Variants in PCDH7 observed in about 807,000 individuals in gnomAD.
PCDH7 encodes protocadherin 7.
PCDH7 carries 17 observed loss-of-function variants against 58.9 expected under a neutral mutation model. The observed-to-expected ratio is 0.29, with a 90% CI of 0.20 to 0.43. The LOEUF (loss-of-function observed/expected upper bound fraction) is 0.43. Among genes scored for constraint, PCDH7 ranks in the 20% least tolerant of loss-of-function variants. PCDH7 has a pLI of 1.00. For missense variants in PCDH7, 1,274 were observed against 1,441.0 expected, an observed-to-expected ratio of 0.88 and a Z score of 1.88; for synonymous variants, 664 against 616.4, an observed-to-expected ratio of 1.08 and a Z score of -1.14.
intron 2 of PCDH7, among the ~76,000 whole-genome samples, chr4:30,924,386 T>C (rs1419823357): frequency 1.3e-5 from 2 of 152,192 alleles, no homozygotes; most frequent in African/African-American, 4.8e-5. Context: ...TTCTCTTACA[T>C]TCAATTTTTC....
At chr4:31,118,120 T>C (rs1717223002) in intron 3 of PCDH7, among the ~76,000 whole-genome samples, 1 of 152,200 alleles carries the variant, frequency 6.6e-6, no homozygotes, top group Admixed American at 6.5e-5. Context: ...ATAGTAACTA[T>C]TTGTTGAATA....
At chr4:30,728,923 T>C (rs1715046665) in intron 1 of PCDH7, among the ~76,000 whole-genome samples, 1 of 151,730 alleles carries the variant, frequency 6.6e-6, no homozygotes, top group African/African-American at 2.4e-5. Context: ...AGTCTTTTAT[T>C]TAGTCATGAT....
chr4:30,955,464 G>A (rs12512796), intron 3 of PCDH7, among the ~76,000 whole-genome samples: 116,313 of 151,754 alleles, frequency 0.77, 45,367 homozygotes, highest in African/African-American at 0.93. Context: ...ACAATTTCTC[G>A]AGGCCACTAT....
At chr4:30,972,988 A>C (rs1489315713) in intron 3 of PCDH7, among the ~76,000 whole-genome samples, 1 of 152,242 alleles carries the variant, frequency 6.6e-6, no homozygotes, top group Non-Finnish European at 1.5e-5. Context: ...ATTCGATGTT[A>C]CTAAGAGACG....
At chr4:31,016,228 G>A (rs1010456562) in intron 3 of PCDH7, among the ~76,000 whole-genome samples, 5 of 152,060 alleles carry the variant, frequency 3.3e-5, no homozygotes, top group African/African-American at 1.2e-4. Context: ...GGACCATATG[G>A]ATCTTTATAA....
intron 3 of PCDH7, among the ~76,000 whole-genome samples, chr4:31,096,928 T>TG (rs5857221): frequency 0.16 from 24,357 of 151,536 alleles, 2,721 homozygotes; most frequent in East Asian, 0.61. Flanking sequence ...TGTGTGTGTG[T>TG]TGTGAATAAG....
At chr4:30,781,759 C>T (rs893189734) in intron 1 of PCDH7, among the ~76,000 whole-genome samples, 1 of 151,438 alleles carries the variant, frequency 6.6e-6, no homozygotes, top group African/African-American at 2.4e-5. Context: ...TTGTCTTGAA[C>T]TCCCGACCTC....
chr4:31,086,005 A>G (rs1480751558), intron 3 of PCDH7, among the ~76,000 whole-genome samples: 2 of 152,210 alleles, frequency 1.3e-5, no homozygotes, highest in South Asian at 2.1e-4. Flanking sequence ...AAGTTGAAAA[A>G]GCAAAATTCT....
At chr4:30,871,288 G>C (rs1467918236) in intron 1 of PCDH7, among the ~76,000 whole-genome samples, 2 of 152,060 alleles carry the variant, frequency 1.3e-5, no homozygotes, top group Non-Finnish European at 2.9e-5. Context: ...CAGAGGATGG[G>C]TAGGGAGCAT....
At chr4:31,032,262 CT>C (rs1304158522) in intron 3 of PCDH7, among the ~76,000 whole-genome samples, 1 of 152,084 alleles carries the variant, frequency 6.6e-6, no homozygotes, top group African/African-American at 2.4e-5. Context: ...GGCTCATATT[CT>C]TTTTCAACGC....
Position 30,785,064 on chromosome 4 carries a change from G to T in PCDH7, c.70+60468G>T, listed in dbSNP as rs553992080. 3.3e-5 allele frequency among the ~76,000 whole-genome samples: 5 copies of T among 152,070 alleles called. No homozygotes were observed. The South Asian group carries it at 1.0e-3, about 32-fold the overall frequency. On this transcript the variant is annotated intron_variant, in intron 1 of 3. Transcript: ENST00000509759. ...CACTGAAAAGAAACAGAAAGTACAT[G>T]ATATTTGCCTTCATAGACCACATGG...
intron 3 of PCDH7, among the ~76,000 whole-genome samples, chr4:31,034,094 A>AAAAC (rs10660538): frequency 0.17 from 25,014 of 151,412 alleles, 2,377 homozygotes; most frequent in African/African-American, 0.26. Context: ...ACTCTGTCTC[A>AAAAC]AAACAAACAA....
chr4:30,873,120 T>A (rs1481752218), intron 1 of PCDH7, among the ~76,000 whole-genome samples: 3 of 152,070 alleles, frequency 2.0e-5, no homozygotes, highest in African/African-American at 7.2e-5. Context: ...TTGATTAAGA[T>A]GAAAGAACAG....
At chr4:30,817,343 G>T (rs1727814739) in intron 1 of PCDH7, among the ~76,000 whole-genome samples, 1 of 152,214 alleles carries the variant, frequency 6.6e-6, no homozygotes, top group African/African-American at 2.4e-5. Flanking sequence ...CATTCTCTAT[G>T]TTTCAGTATG....
intron 3 of PCDH7, among the ~76,000 whole-genome samples, chr4:31,064,507 G>A (rs377749555): frequency 6.6e-6 from 1 of 152,084 alleles, no homozygotes; most frequent in South Asian, 2.1e-4. Flanking sequence ...GATGTTAGAA[G>A]TCCAAAACCA....
At chr4:30,827,086 T>G (rs1303986518) in intron 1 of PCDH7, among the ~76,000 whole-genome samples, 1 of 152,156 alleles carries the variant, frequency 6.6e-6, no homozygotes, top group African/African-American at 2.4e-5. Context: ...GCAAAGAAAG[T>G]CCACATATTT....
chr4:30,925,178 T>C (rs1306795166), intron 2 of PCDH7, among the ~76,000 whole-genome samples: 1 of 152,222 alleles, frequency 6.6e-6, no homozygotes, highest in Non-Finnish European at 1.5e-5. Context: ...TTAAACATGC[T>C]GCAGTAAAAC....
intron 3 of PCDH7, among the ~76,000 whole-genome samples, chr4:30,969,279 C>A (rs150520210): frequency 4.6e-5 from 7 of 152,264 alleles, no homozygotes; most frequent in African/African-American, 1.7e-4. Context: ...ACATGCCATT[C>A]CTGTTTCTGT....
At chr4:30,897,439 G>C (rs1739596623) in intron 1 of PCDH7, among the ~76,000 whole-genome samples, 1 of 151,734 alleles carries the variant, frequency 6.6e-6, no homozygotes, top group Non-Finnish European at 1.5e-5. Flanking sequence ...TTTTTTTTAA[G>C]GTTTTCCTAA....
Sources: gnomAD v4.1 joint callset for allele counts (sites outside exome capture counted in the v4.1 genomes callset) on GRCh38, gnomAD v4.1.1 for gene constraint, MANE v1.5 for transcripts, NCBI Gene and HGNC (gene_info 2026-07-23, HGNC 2026-07-21) for gene names.